STPG2: variants seen among roughly 807,000 people sequenced by gnomAD.
The protein encoded by STPG2 is sperm tail PG-rich repeat containing 2.
A neutral mutation model predicts 54.2 loss-of-function variants in STPG2; 56 were observed. That is an observed-to-expected ratio of 1.03 (90% confidence interval 0.83 to 1.29). The LOEUF (loss-of-function observed/expected upper bound fraction) is 1.29. Among genes scored for constraint, STPG2 ranks in the 50% most tolerant of loss-of-function variants. The probability of loss-of-function intolerance (pLI) is 0.00; values close to 1 mark genes in which losing one functional copy is unlikely to be tolerated. For missense variants in STPG2, 596 were observed against 544.9 expected, an observed-to-expected ratio of 1.09 and a Z score of -0.93; for synonymous variants, 200 against 181.8, an observed-to-expected ratio of 1.10 and a Z score of -0.81.
At chr4:97,474,712 G>A (rs898392368) in intron 4 of STPG2, among the ~76,000 whole-genome samples, 13 of 151,886 alleles carry the variant, frequency 8.6e-5, no homozygotes, top group Admixed American at 7.2e-4. Context: ...AAATTATAAA[G>A]AAGAATGCTC....
At chr4:97,903,918 A>T (rs1278877307) in intron 8 of STPG2, among the ~76,000 whole-genome samples, 1 of 152,208 alleles carries the variant, frequency 6.6e-6, no homozygotes, top group African/African-American at 2.4e-5. Flanking sequence ...GCACCACGAG[A>T]TTATATTCCG....
chr4:97,931,870 T>A (rs1732560620), intron 8 of STPG2, among the ~76,000 whole-genome samples: 2 of 152,100 alleles, frequency 1.3e-5, no homozygotes, highest in Admixed American at 1.3e-4. Flanking sequence ...CCATCAGGTC[T>A]TGGTCTTTTT....
At chr4:97,953,252 G>C (rs1019161088) in intron 7 of STPG2, among the ~76,000 whole-genome samples, 1 of 152,142 alleles carries the variant, frequency 6.6e-6, no homozygotes, top group Admixed American at 6.5e-5. Flanking sequence ...AAATGAGTTT[G>C]TACAGGGAGT....
rs569075358 is a variant in STPG2, at chr4:97,864,885, C to A, written c.1045-23953G>T. ...AAATGGTGCTGGGAAAACTGGCTAG[C>A]CATATGTAGAAAGCTGAAACTGGAT... is the stretch of plus-strand genomic sequence containing the variant. On this transcript the variant is annotated intron_variant, in intron 8 of 10. Coordinates refer to ENST00000295268, the MANE Select transcript of STPG2 (RefSeq NM_174952.3). Among the ~76,000 whole-genome samples the A allele has an allele frequency of 4.4e-3, 665 of 152,148 alleles. 7 individuals are homozygous for A. The highest frequency in any genetic ancestry group is 0.015 in the African/African-American group (624 of 41,520).
intron 5 of STPG2, among the ~76,000 whole-genome samples, chr4:98,061,813 T>C (rs1289908856): frequency 6.6e-6 from 1 of 152,054 alleles, no homozygotes; most frequent in African/African-American, 2.4e-5. Flanking sequence ...TTGGTGAGGT[T>C]GTGGAAAAAA....
chr4:98,080,284 G>T (rs924195214), intron 5 of STPG2, among the ~76,000 whole-genome samples: 2 of 151,440 alleles, frequency 1.3e-5, no homozygotes, highest in African/African-American at 4.9e-5. Flanking sequence ...TTAGAGACAG[G>T]GTCTCGCTAC....
At chr4:97,755,658 T>C (rs1339450752) in intron 9 of STPG2, among the ~76,000 whole-genome samples, 1 of 152,188 alleles carries the variant, frequency 6.6e-6, no homozygotes, top group African/African-American at 2.4e-5. Context: ...GACCAATACT[T>C]TCTTAAAGAA....
At chr4:98,119,961 T>C (rs1314279022) in intron 3 of STPG2, among the ~76,000 whole-genome samples, 1 of 152,206 alleles carries the variant, frequency 6.6e-6, no homozygotes, top group African/African-American at 2.4e-5. Flanking sequence ...TAGTATTCCA[T>C]GGCGTATATG....
At chr4:98,032,287 C>T (rs2149300752) in intron 5 of STPG2, among the ~76,000 whole-genome samples, 1 of 152,230 alleles carries the variant, frequency 6.6e-6, no homozygotes, top group South Asian at 2.1e-4. Flanking sequence ...CAGTACAATT[C>T]ACAACTGCAA....
intron 7 of STPG2, among the ~76,000 whole-genome samples, chr4:97,961,199 C>T (rs941514850): frequency 1.3e-5 from 2 of 151,786 alleles, no homozygotes; most frequent in Non-Finnish European, 2.9e-5. Context: ...GAAATCAACT[C>T]AAGATGGGTC....
intron 8 of STPG2, among the ~76,000 whole-genome samples, chr4:97,895,804 T>A (rs1482681862): frequency 6.6e-6 from 1 of 151,764 alleles, no homozygotes; most frequent in Non-Finnish European, 1.5e-5. Context: ...TGGCTCTCAA[T>A]CCTGTCTGTG....
At chr4:97,903,927 C>A (rs186696920) in intron 8 of STPG2, among the ~76,000 whole-genome samples, 3 of 152,192 alleles carry the variant, frequency 2.0e-5, no homozygotes, top group Non-Finnish European at 4.4e-5. Flanking sequence ...GATTATATTC[C>A]GCACCTGGCT....
chr4:98,014,196 C>T (rs554723689), intron 5 of STPG2, among the ~76,000 whole-genome samples: 12 of 152,252 alleles, frequency 7.9e-5, no homozygotes, highest in Admixed American at 6.5e-4. Flanking sequence ...TTTCAAAGAA[C>T]TTCTTGATTT....
At chr4:97,577,051 C>A (rs1223716783) in intron 10 of STPG2, among the ~76,000 whole-genome samples, 1 of 152,130 alleles carries the variant, frequency 6.6e-6, no homozygotes, top group East Asian at 1.9e-4. Context: ...TGCCATCTTA[C>A]ACCAGTCAGA....
At chr4:97,940,995 GT>G (rs1732958197) in intron 8 of STPG2, among the ~76,000 whole-genome samples, 1 of 151,972 alleles carries the variant, frequency 6.6e-6, no homozygotes, top group Non-Finnish European at 1.5e-5. Flanking sequence ...AAGACATAGA[GT>G]TACTAAACTT....
At chr4:97,468,632 G>C (rs1364898573) in intron 4 of STPG2, among the ~76,000 whole-genome samples, 2 of 151,994 alleles carry the variant, frequency 1.3e-5, no homozygotes, top group East Asian at 3.9e-4. Context: ...AGTCCAAGCA[G>C]ATTTTCTGGA....
intron 4 of STPG2, among the ~76,000 whole-genome samples, chr4:97,449,210 T>C (rs1002878197): frequency 6.6e-6 from 1 of 152,124 alleles, no homozygotes; most frequent in African/African-American, 2.4e-5. Context: ...AAAAAAGCAA[T>C]ATGTACATTT....
At chr4:97,883,602 A>G (rs891114094) in intron 8 of STPG2, among the ~76,000 whole-genome samples, 1 of 152,200 alleles carries the variant, frequency 6.6e-6, no homozygotes, top group African/African-American at 2.4e-5. Context: ...AAAAAAACAG[A>G]AACAGAGATA....
intron 10 of STPG2, among the ~76,000 whole-genome samples, chr4:97,630,243 T>C (rs981864162): frequency 2.0e-5 from 3 of 151,892 alleles, no homozygotes; most frequent in African/African-American, 7.2e-5. Flanking sequence ...CTCTATTTGC[T>C]TTGTTTTATT....
Sources: allele counts gnomAD v4.1 joint callset (sites outside exome capture counted in the v4.1 genomes callset), GRCh38; gene constraint gnomAD v4.1.1; transcripts MANE v1.5; gene names NCBI Gene and HGNC (gene_info 2026-07-23, HGNC 2026-07-21).